The following COL8A1 variants were observed in gnomAD, a reference collection of about 807,000 sequenced individuals.
The protein encoded by COL8A1 is collagen alpha-1(VIII) chain.
COL8A1 carries 21 observed loss-of-function variants against 42.7 expected under a neutral mutation model. The observed-to-expected ratio is 0.49, with a 90% confidence interval of 0.35 to 0.71. The LOEUF (loss-of-function observed/expected upper bound fraction) is 0.71, where lower values mean the gene tolerates loss of function less well. COL8A1 is among the 30% of genes least tolerant of loss of function. The probability of loss-of-function intolerance (pLI) is 0.01; values close to 1 mark genes in which losing one functional copy is unlikely to be tolerated. For missense variants in COL8A1, 788 were observed against 962.4 expected, an observed-to-expected ratio of 0.82 and a Z score of 2.40; for synonymous variants, 367 against 369.1, an observed-to-expected ratio of 0.99 and a Z score of 0.06.
intron 1 of COL8A1, among the ~76,000 whole-genome samples, chr3:99,671,953 C>T (rs552306297): frequency 1.3e-5 from 2 of 152,098 alleles, no homozygotes; most frequent in African/African-American, 4.8e-5. Context: ...GTAGAATATA[C>T]CCAACCTGCT....
intron 1 of COL8A1, among the ~76,000 whole-genome samples, chr3:99,648,539 A>C (rs1937728613): frequency 6.6e-6 from 1 of 152,144 alleles, no homozygotes; most frequent in Non-Finnish European, 1.5e-5. Context: ...AAAAGAAAAA[A>C]CAAACAAACA....
chr3:99,723,520 T>A (rs148900258), intron 1 of COL8A1, among the ~76,000 whole-genome samples: 1 of 152,158 alleles, frequency 6.6e-6, no homozygotes, highest in African/African-American at 2.4e-5. Context: ...CATATGGTAG[T>A]TGGTTATAAG....
chr3:99,724,713 T>C (rs1368539663), intron 1 of COL8A1, among the ~76,000 whole-genome samples: 1 of 152,072 alleles, frequency 6.6e-6, no homozygotes, highest in Non-Finnish European at 1.5e-5. Flanking sequence ...CAATGCTTTT[T>C]CATATCTAGG....
intron 1 of COL8A1, among the ~76,000 whole-genome samples, chr3:99,688,061 T>C (rs533891689): frequency 4.6e-4 from 70 of 152,330 alleles, no homozygotes; most frequent in African/African-American, 1.7e-3. Context: ...GAATAAAATG[T>C]TCCAAATAGC....
chr3:99,766,755 G>A (rs959528595), intron 2 of COL8A1, among the ~76,000 whole-genome samples: 1 of 152,134 alleles, frequency 6.6e-6, no homozygotes, highest in African/African-American at 2.4e-5. Context: ...TTCGAGACCA[G>A]CCTGACCAAC....
intron 1 of COL8A1, among the ~76,000 whole-genome samples, chr3:99,698,827 C>T (rs988978908): frequency 1.3e-5 from 2 of 152,104 alleles, no homozygotes; most frequent in African/African-American, 2.4e-5. Context: ...TCAGTGTTAA[C>T]GTTGAATAAA....
intron 1 of COL8A1, among the ~76,000 whole-genome samples, chr3:99,717,353 T>C (rs1380640797): frequency 6.6e-6 from 1 of 152,020 alleles, no homozygotes; most frequent in African/African-American, 2.4e-5. Flanking sequence ...GCAGGGCGTA[T>C]TTTAGCCTTA....
chr3:99,686,676 C>T (rs1323952211), intron 1 of COL8A1, among the ~76,000 whole-genome samples: 1 of 152,150 alleles, frequency 6.6e-6, no homozygotes, highest in Non-Finnish European at 1.5e-5. Context: ...TCTATAACTG[C>T]TCATCTCTTA....
At chr3:99,721,315 C>A (rs1299859495) in intron 1 of COL8A1, among the ~76,000 whole-genome samples, 1 of 148,026 alleles carries the variant, frequency 6.8e-6, no homozygotes, top group Non-Finnish European at 1.5e-5. Context: ...CATCAGCCAG[C>A]CAGAGAGCAG....
rs575099133 is a variant in COL8A1 at position 99,797,505 on chromosome 3, C to G, written c.*1369C>G. On this transcript the variant is annotated 3_prime_UTR_variant, in exon 4 of 4. Coordinates refer to ENST00000652472, the MANE Select transcript of COL8A1 (RefSeq NM_020351.4). ...CAGGCTGGTCTCAAACTCCTGGCCT[C>G]AAGTGATGCACCTGCCTCAGCCTTC... 1 of 152,326 alleles carries G rather than the reference C, an allele frequency of 6.6e-6. No individual in the cohort carries two copies. Among genetic ancestry groups the G allele is most frequent in the African/African-American group, 2.4e-5 (1 of 41,556 alleles). 9.4% of individuals were successfully genotyped at this position (152,326 alleles called of 1,614,324 possible).
At chr3:99,677,424 G>A (rs1233202409) in intron 1 of COL8A1, among the ~76,000 whole-genome samples, 1 of 152,022 alleles carries the variant, frequency 6.6e-6, no homozygotes, top group African/African-American at 2.4e-5. Context: ...TAACAGGAAT[G>A]GCCTTCAGGA....
intron 2 of COL8A1, among the ~76,000 whole-genome samples, chr3:99,772,960 G>C (rs1238826551): frequency 2.0e-5 from 3 of 152,298 alleles, no homozygotes; most frequent in Non-Finnish European, 2.9e-5. Flanking sequence ...CAGACCAGCA[G>C]ATTCAAATCC....
intron 1 of COL8A1, among the ~76,000 whole-genome samples, chr3:99,642,581 G>T (rs1235326660): frequency 6.6e-6 from 1 of 152,066 alleles, no homozygotes; most frequent in Admixed American, 6.5e-5. Context: ...ATTTATTTGG[G>T]GCTCACTTCC....
At chr3:99,744,602 AT>A (rs1401893629) in intron 1 of COL8A1, among the ~76,000 whole-genome samples, 2 of 152,244 alleles carry the variant, frequency 1.3e-5, no homozygotes, top group Non-Finnish European at 2.9e-5. Context: ...TTCTTCATAA[AT>A]TTGCATTATC....
chr3:99,754,566 A>G (rs759351605), intron 2 of COL8A1, among the ~76,000 whole-genome samples: 19 of 152,300 alleles, frequency 1.2e-4, no homozygotes, highest in African/African-American at 3.9e-4. Context: ...AAAGAGCTCA[A>G]TAAGAAAGAT....
In COL8A1 at chr3:99,745,050, G is replaced by A. The variant is rs144880591; in HGVS notation, c.-4+29G>A. 2.8e-3 allele frequency: 434 copies of A among 152,378 alleles called. 4 individuals are homozygous for A. The highest frequency in any genetic ancestry group is 0.023 in the South Asian group (113 of 4,812). 9.4% of individuals were successfully genotyped at this position (152,378 alleles called of 1,614,324 possible). On this transcript the variant is annotated intron_variant, in intron 2 of 3. Transcript: ENST00000652472. ...AGTGTGAGGAGCAACAGAGGGCAGG[G>A]CAGTGGTCTGGGTGGTCCACAGGTA... is the stretch of plus-strand genomic sequence containing the variant.
chr3:99,679,875 G>A (rs1223321009), intron 1 of COL8A1: 2 of 151,978 alleles, frequency 1.3e-5, no homozygotes, highest in Non-Finnish European at 1.5e-5. Context: ...TATGGATTGG[G>A]GTGTATTTTT....
At chr3:99,670,490 G>T (rs9882718) in intron 1 of COL8A1, among the ~76,000 whole-genome samples, 5,206 of 151,978 alleles carry the variant, frequency 0.034, 146 homozygotes, top group East Asian at 0.063. Context: ...TATTAGTTTT[G>T]ATTGATAAAT....
intron 1 of COL8A1, among the ~76,000 whole-genome samples, chr3:99,700,414 C>T (rs1466962283): frequency 1.3e-5 from 2 of 152,110 alleles, no homozygotes; most frequent in Admixed American, 6.5e-5. Context: ...GTCACAGGCT[C>T]ACCCTCCCAC....
Sources: allele counts gnomAD v4.1 joint callset (sites outside exome capture counted in the v4.1 genomes callset), GRCh38; gene constraint gnomAD v4.1.1; transcripts MANE v1.5; gene names NCBI Gene and HGNC (gene_info 2026-07-23, HGNC 2026-07-21).